Variants in PRKAR2A observed in about 807,000 individuals in gnomAD.
PRKAR2A encodes the protein protein kinase cAMP-dependent type II regulatory subunit alpha, also known as cAMP-dependent protein kinase type II-alpha regulatory subunit.
In PRKAR2A, 29 loss-of-function variants were observed where a neutral mutation model predicts 51.9. The ratio of observed to expected loss-of-function variants is 0.56; its 90% CI spans 0.42 to 0.76. PRKAR2A has a LOEUF of 0.76. Ranked by LOEUF, PRKAR2A falls within the 30% of genes least tolerant of loss-of-function variation. The pLI, the probability that PRKAR2A is intolerant of heterozygous loss-of-function variation, is 0.00. For missense variants in PRKAR2A, 445 were observed against 512.1 expected (o/e 0.87, Z 1.26); for synonymous variants, 178 against 186.2 (o/e 0.96, Z 0.36).
intron 1 of PRKAR2A, among the ~76,000 whole-genome samples, chr3:48,842,967 T>A (rs2083403699): frequency 6.6e-6 from 1 of 152,052 alleles, no homozygotes; most frequent in South Asian, 2.1e-4. Context: ...TTCCATTGAT[T>A]GGAATAGTTT....
At position 48,790,580 on chromosome 3, in the gene PRKAR2A, A is replaced by G. The variant is rs113030327; in HGVS notation, c.399T>C (p.Ala133=). The G allele has an allele frequency of 6.5e-7, 1 of 1,543,578 alleles. No individual in the cohort carries two copies. The highest frequency in any genetic ancestry group is 8.7e-7 in the Non-Finnish European group (1 of 1,147,460). The change falls in exon 4 of 11, where the codon GCT becomes GCC. Residue 133 remains alanine, a synonymous_variant. Coordinates refer to ENST00000265563, the MANE Select transcript of PRKAR2A (RefSeq NM_004157.4). ...TTTTGAAAAGGAGAATATCTTTGCA[A>G]GCTTCCTGAAGTCTGCATCTCTGTT... ...TDEQRCRLQE[A]CKDILLFKNL...
At chr3:48,801,417 T>G (rs2082588626) in intron 2 of PRKAR2A, among the ~76,000 whole-genome samples, 1 of 152,026 alleles carries the variant, frequency 6.6e-6, no homozygotes, top group South Asian at 2.1e-4. Context: ...CCTCCCGAAG[T>G]GCCGGGATTA....
chr3:48,826,507 A>G (rs984639904), intron 1 of PRKAR2A, among the ~76,000 whole-genome samples: 3 of 152,058 alleles, frequency 2.0e-5, no homozygotes, highest in Non-Finnish European at 4.4e-5. Context: ...TGATCCACCA[A>G]TTTTGTGTTG....
chr3:48,792,455 CTTTTTTTTT>C (rs983032500), intron 3 of PRKAR2A, among the ~76,000 whole-genome samples: 2 of 66,824 alleles, frequency 3.0e-5, no homozygotes, highest in African/African-American at 5.6e-5. Flanking sequence ...AAGGTTTAAT[CTTTTTTTTT>C]TTTTTTTTTT....
At chr3:48,838,430 AACCCCATCTCT>A (rs2083320475) in intron 1 of PRKAR2A, among the ~76,000 whole-genome samples, 1 of 151,676 alleles carries the variant, frequency 6.6e-6, no homozygotes, top group South Asian at 2.1e-4. Flanking sequence ...ATCATGGTGA[AACCCCATCTCT>A]ACTAAAAATA....
intron 1 of PRKAR2A, among the ~76,000 whole-genome samples, chr3:48,815,072 C>A (rs187454318): frequency 1.4e-3 from 207 of 152,168 alleles, no homozygotes; most frequent in African/African-American, 4.8e-3. Flanking sequence ...CACCACCACA[C>A]CTGGCTAATT....
intron 1 of PRKAR2A, among the ~76,000 whole-genome samples, chr3:48,821,656 G>A (rs1024245625): frequency 1.3e-5 from 2 of 152,212 alleles, no homozygotes; most frequent in Non-Finnish European, 2.9e-5. Context: ...AGTGGCTCAC[G>A]CCTGTAATCC....
chr3:48,820,634 C>T (rs999808275), intron 1 of PRKAR2A, among the ~76,000 whole-genome samples: 2 of 152,164 alleles, frequency 1.3e-5, no homozygotes, highest in African/African-American at 4.8e-5. Flanking sequence ...GAATAAGTTA[C>T]TTAACCTCTG....
chr3:48,793,196 G>A lies in PRKAR2A; in HGVS notation c.351+801C>T, dbSNP rs2082420955. ...CATACATCCCATGCCATTACATACT[G>A]TCCTGTACCATCACTTTCAATGGCT... On this transcript the variant is annotated intron_variant, in intron 3 of 10. Transcript: ENST00000265563. 3.3e-5 allele frequency among the ~76,000 whole-genome samples: 5 copies of A among 151,764 alleles called. No homozygotes were observed. In the South Asian group the frequency reaches 1.0e-3, roughly 32 times the overall value.
chr3:48,835,351 G>T (rs982272041), intron 1 of PRKAR2A, among the ~76,000 whole-genome samples: 4 of 151,982 alleles, frequency 2.6e-5, no homozygotes, highest in African/African-American at 7.2e-5. Flanking sequence ...AAAAAAAATG[G>T]CAGGGTGTGG....
chr3:48,814,527 G>A (rs997828250), intron 1 of PRKAR2A, among the ~76,000 whole-genome samples: 3 of 152,170 alleles, frequency 2.0e-5, no homozygotes, highest in South Asian at 2.1e-4. Context: ...CACACAGAAA[G>A]TTAACAGGTT....
rs1219501789 is a variant in PRKAR2A, at chr3:48,748,440, G to GGA, written c.*3143_*3144dup. The GGA allele has an allele frequency of 2.0e-5, 3 of 151,976 alleles. No homozygotes were observed. Among genetic ancestry groups the GGA allele is most frequent in the African/African-American group, 7.3e-5 (3 of 41,368 alleles). 9.4% of individuals were successfully genotyped at this position (151,976 alleles called of 1,614,324 possible). On this transcript the variant is annotated 3_prime_UTR_variant, in exon 11 of 11. Coordinates refer to ENST00000265563, the MANE Select transcript of PRKAR2A (RefSeq NM_004157.4). ...TGAGCCACTATGCCCAACCTGAGCA[G>GGA]GATGACTTAAACCTGATCAATTCTA...
rs879148631 is a variant in PRKAR2A, at chr3:48,747,349, A to G, written c.*4236T>C. The G allele has an allele frequency of 1.3e-5, 2 of 152,188 alleles. No homozygotes were observed. Among genetic ancestry groups the G allele is most frequent in the Admixed American group, 6.5e-5 (1 of 15,274 alleles). The allele number at this position is 152,188 out of a possible 1,614,324, so 9.4% of individuals were successfully genotyped here. A position where few individuals can be genotyped will look rare whatever the true frequency, so the allele number is the denominator to read the frequency against. Reference sequence around the variant, plus strand: ...CTGTGCAAAATGCTCTTCTTTCTGAATTAGAGGGTAGCTTGTACACTGTGA... The same window carrying G: ...CTGTGCAAAATGCTCTTCTTTCTGAGTTAGAGGGTAGCTTGTACACTGTGA... On this transcript the variant is annotated 3_prime_UTR_variant, in exon 11 of 11. Coordinates refer to ENST00000265563, the MANE Select transcript of PRKAR2A (RefSeq NM_004157.4).
Position 48,818,488 on chromosome 3 carries a change from GCTCACAC to G in PRKAR2A, c.263-10811_263-10805del, listed in dbSNP as rs565008788. 2.0e-5 allele frequency among the ~76,000 whole-genome samples: 3 copies of G among 152,258 alleles called. No individual in the cohort carries two copies. In the East Asian group the frequency reaches 5.8e-4, roughly 29 times the overall value. On this transcript the variant is annotated intron_variant, in intron 1 of 10. Transcript: ENST00000265563. ...AACTTAAACCTGGCCAGGTGCAGTGGCTCACACCCATAATCTTTGGGAGGCCAAGGCA... is the reference window on the plus strand; with the variant it reads ...AACTTAAACCTGGCCAGGTGCAGTGGCCATAATCTTTGGGAGGCCAAGGCA...
intron 9 of PRKAR2A, among the ~76,000 whole-genome samples, chr3:48,755,674 C>CA (rs1448567603): frequency 4.0e-5 from 6 of 150,770 alleles, no homozygotes; most frequent in Non-Finnish European, 8.8e-5. Flanking sequence ...GTGGCACAAT[C>CA]ACGGTTCACT....
At chr3:48,811,628 G>T (rs976033245) in intron 1 of PRKAR2A, among the ~76,000 whole-genome samples, 3 of 152,140 alleles carry the variant, frequency 2.0e-5, no homozygotes, top group African/African-American at 7.2e-5. Context: ...GCCAACTGAT[G>T]GTTGCCAGGA....
At chr3:48,796,669 G>GATTTTTTTTT (rs1264041197) in intron 2 of PRKAR2A, among the ~76,000 whole-genome samples, 1 of 97,090 alleles carries the variant, frequency 1.0e-5, no homozygotes, top group African/African-American at 3.6e-5. Context: ...GTAGAGACGG[G>GATTTTTTTTT]GTTTTTTTTT....
At chr3:48,758,691 G>C (rs149542140) in intron 8 of PRKAR2A, among the ~76,000 whole-genome samples, 1 of 152,120 alleles carries the variant, frequency 6.6e-6, no homozygotes, top group Non-Finnish European at 1.5e-5. Context: ...ATGAACAGGG[G>C]AGCTCATATA....
In PRKAR2A at chr3:48,807,673, T is replaced by C. The variant is rs1343213746; in HGVS notation, c.274A>G (p.Ser92Gly). Residue 92 changes from serine (S) to glycine (G), a missense_variant, in exon 2 of 11, where the codon AGC (serine) becomes GGC (glycine). Transcript: ENST00000265563. ...CCTGATACTCGTCTATTAAATCTGC[T>C]AGGAACTGGAACTGCAAAATAAAGA... ...EDEDLEVPVPSRFNRRVSVCA... is the reference protein window; with the variant it reads ...EDEDLEVPVPGRFNRRVSVCA... 14 of 1,604,420 alleles carry C rather than the reference T, an allele frequency of 8.7e-6. No individual in the cohort carries two copies. Among genetic ancestry groups the C allele is most frequent in the Admixed American group, 6.7e-5 (4 of 59,724 alleles).
Sources: allele counts gnomAD v4.1 joint callset (sites outside exome capture counted in the v4.1 genomes callset), GRCh38; gene constraint gnomAD v4.1.1; transcripts MANE v1.5; gene names NCBI Gene and HGNC (gene_info 2026-07-23, HGNC 2026-07-21).